Variants in BTG4 observed in about 807,000 individuals in gnomAD.
BTG4 encodes the protein protein BTG4.
BTG4 carries 10 observed loss-of-function variants against 19.3 expected under a neutral mutation model. The observed-to-expected ratio is 0.52, with a 90% CI of 0.32 to 0.88. BTG4 has a LOEUF of 0.88. BTG4 is among the 40% of genes least tolerant of loss of function. The pLI, the probability that BTG4 is intolerant of heterozygous loss-of-function variation, is 0.04. For synonymous variants in BTG4, 91 were observed against 95.7 expected (o/e 0.95, Z 0.29); for missense variants, 238 against 281.9 (o/e 0.84, Z 1.11).
chr11:111,458,385 A>T, the BTG4 span, among the ~76,000 whole-genome samples: 6 of 152,152 alleles, frequency 3.9e-5, no homozygotes, highest in African/African-American at 1.4e-4. Flanking sequence ...GAACTCCATG[A>T]CTTCATACCC....
chr11:111,456,434 C>CAG, the BTG4 span: 1 of 438,280 alleles, frequency 2.3e-6, no homozygotes, highest in Non-Finnish European at 4.7e-6. The surrounding 1 kb of genome is among the most constrained non-coding windows in gnomAD (Gnocchi z 4.2). Context: ...TTCCAGTCAC[C>CAG]AGCCAAGGGA....
the BTG4 span, chr11:111,397,190 A>T: frequency 6.6e-6 from 1 of 152,078 alleles, no homozygotes; most frequent in African/African-American, 2.4e-5. Context: ...TCCTCCCCCA[A>T]TCCACTTTCC....
chr11:111,476,724 C>A (rs1864419282), intron 5 of BTG4, among the ~76,000 whole-genome samples: 1 of 152,068 alleles, frequency 6.6e-6, no homozygotes, highest in Admixed American at 6.6e-5. Flanking sequence ...ATAGTCATTG[C>A]CCATAAGACG....
downstream of BTG4, chr11:111,464,688 C>T (rs1018011277): frequency 6.6e-5 from 10 of 152,204 alleles, no homozygotes. Flanking sequence ...AACCTTTTCC[C>T]TTGTAGCTCC....
intron 5 of BTG4, among the ~76,000 whole-genome samples, chr11:111,487,261 G>T (rs1203857559): frequency 2.0e-5 from 3 of 152,112 alleles, no homozygotes; most frequent in African/African-American, 7.2e-5. Context: ...TTGCCATTGT[G>T]AATAGTGCTG....
At chr11:111,476,918 T>C (rs1864430950) in intron 5 of BTG4, among the ~76,000 whole-genome samples, 1 of 152,170 alleles carries the variant, frequency 6.6e-6, no homozygotes, top group Non-Finnish European at 1.5e-5. Flanking sequence ...GCTACCCACA[T>C]AAATTATGAA....
chr11:111,506,595 C>T (rs1225957371), intron 1 of BTG4, among the ~76,000 whole-genome samples: 2 of 151,896 alleles, frequency 1.3e-5, no homozygotes, highest in Non-Finnish European at 2.9e-5. Flanking sequence ...ATGTAACAAA[C>T]AAGAATATGT....
intron 1 of BTG4, among the ~76,000 whole-genome samples, chr11:111,511,631 C>T (rs1402790886): frequency 6.6e-6 from 1 of 152,200 alleles, no homozygotes; most frequent in Non-Finnish European, 1.5e-5. Flanking sequence ...TCCTTATCCT[C>T]TCCTGATTAA....
chr11:111,409,564 A>G, the BTG4 span, among the ~76,000 whole-genome samples: 1 of 152,236 alleles, frequency 6.6e-6, no homozygotes, highest in Non-Finnish European at 1.5e-5. Context: ...AGCCCTCACC[A>G]GAAGCCAAGC....
Position 111,499,608 on chromosome 11 carries a change from C to T in BTG4, c.-26-806G>A, listed in dbSNP as rs563595053. 1.1e-4 allele frequency among the ~76,000 whole-genome samples: 16 copies of T among 152,284 alleles called. No homozygotes were observed. In the South Asian group the frequency reaches 3.1e-3, roughly 30 times the overall value. ...GTGTTCTCCTTCCATATCCTAATAT[C>T]GTACATTCCAATGATGTCATCTCTA... On this transcript the variant is annotated intron_variant, in intron 1 of 4. Coordinates refer to ENST00000692032, the MANE Select transcript of BTG4 (RefSeq NM_001367975.1).
the BTG4 span, among the ~76,000 whole-genome samples, chr11:111,436,698 G>A: frequency 6.6e-6 from 1 of 151,860 alleles, no homozygotes; most frequent in Non-Finnish European, 1.5e-5. Flanking sequence ...GCAGACATGG[G>A]TGCAGACCGT....
chr11:111,500,184 G>T (rs568616079), intron 1 of BTG4, among the ~76,000 whole-genome samples: 6 of 152,080 alleles, frequency 3.9e-5, no homozygotes, highest in Admixed American at 3.3e-4. Context: ...CAGATTCTTG[G>T]ACCTTATTTC....
chr11:111,385,775 T>G, the BTG4 span: 1 of 152,214 alleles, frequency 6.6e-6, no homozygotes, highest in Non-Finnish European at 1.5e-5. Flanking sequence ...AACTTAGGAC[T>G]AGAAGGAAAC....
intron 1 of BTG4, among the ~76,000 whole-genome samples, chr11:111,508,515 T>G (rs1866621310): frequency 6.6e-6 from 1 of 152,028 alleles, no homozygotes; most frequent in Admixed American, 6.6e-5. Flanking sequence ...TACATTACAA[T>G]CTCCATAAAT....
downstream of BTG4, chr11:111,463,158 G>A (rs1240530993): frequency 6.5e-6 from 1 of 152,694 alleles, no homozygotes; most frequent in Non-Finnish European, 1.5e-5. Context: ...GCCTCCAGCT[G>A]TTGCACACCC....
the BTG4 span, among the ~76,000 whole-genome samples, chr11:111,392,505 T>C: frequency 2.0e-5 from 3 of 152,136 alleles, no homozygotes; most frequent in African/African-American, 7.2e-5. Flanking sequence ...TTGTCATGCA[T>C]CCAAATCACC....
chr11:111,494,621 G>C (rs748760813), downstream of BTG4, among the ~76,000 whole-genome samples: 2 of 152,152 alleles, frequency 1.3e-5, no homozygotes, highest in Non-Finnish European at 2.9e-5. Flanking sequence ...GTGGTAGAGG[G>C]TGAGGGGAGA....
In BTG4 at chr11:111,498,155, A is replaced by C. The variant is rs374689594; in HGVS notation, c.174-20T>G. ...ATGCACCTTTTTAAAAAGCGAAGGG[A>C]AACGAAGACATGATGACAGACACTT... is the stretch of plus-strand genomic sequence containing the variant. On this transcript the variant is annotated intron_variant, in intron 2 of 4. Transcript: ENST00000692032. 2.8e-5 allele frequency: 45 copies of C among 1,612,676 alleles called. No individual in the cohort carries two copies. The African/African-American group carries it at 4.4e-4, about 16-fold the overall frequency.
chr11:111,391,185 A>G, the BTG4 span, among the ~76,000 whole-genome samples: 69 of 152,296 alleles, frequency 4.5e-4, 1 homozygote, highest in African/African-American at 1.6e-3. Flanking sequence ...TCTCCAGCCC[A>G]ACTATGTTAA....
Sources: gnomAD v4.1 joint callset for allele counts (sites outside exome capture counted in the v4.1 genomes callset) on GRCh38, gnomAD v4.1.1 for gene constraint, Gnocchi (gnomAD v3.1) non-coding constraint, MANE v1.5 for transcripts, NCBI Gene and HGNC (gene_info 2026-07-23, HGNC 2026-07-21) for gene names.